ZHX3: variants seen among roughly 807,000 people sequenced by gnomAD.
ZHX3 encodes the protein zinc fingers and homeoboxes protein 3.
In ZHX3, 20 loss-of-function variants were observed where a neutral mutation model predicts 64.5. The observed-to-expected ratio is 0.31, with a 90% CI of 0.22 to 0.45. The LOEUF (loss-of-function observed/expected upper bound fraction) is 0.45. Ranked by LOEUF, ZHX3 falls within the 20% of genes least tolerant of loss-of-function variation. ZHX3 has a pLI of 1.00. For synonymous variants in ZHX3, 423 were observed against 461.6 expected (o/e 0.92, Z 1.07); for missense variants, 1,041 against 1,195.8 (o/e 0.87, Z 1.91).
chr20:41,274,222 G>A (rs543442600), intron 1 of ZHX3, among the ~76,000 whole-genome samples: 34 of 152,338 alleles, frequency 2.2e-4, no homozygotes, highest in Middle Eastern at 6.8e-3. Flanking sequence ...TCATTTTCCT[G>A]ATTTATAATT....
At chr20:41,235,663 T>G (rs2040929770) in intron 2 of ZHX3, among the ~76,000 whole-genome samples, 1 of 152,152 alleles carries the variant, frequency 6.6e-6, no homozygotes, top group Non-Finnish European at 1.5e-5. Context: ...ACAGCCAATA[T>G]CATACTGAAT....
rs565261686 is a variant in ZHX3 at position 41,295,716 on chromosome 20, T to C, written c.-245+21793A>G. 5.5e-4 allele frequency among the ~76,000 whole-genome samples: 83 copies of C among 152,146 alleles called. 2 individuals are homozygous for C. The South Asian group carries it at 0.012, about 22-fold the overall frequency. On this transcript the variant is annotated intron_variant, in intron 1 of 3. Coordinates refer to ENST00000683867, the MANE Select transcript of ZHX3 (RefSeq NM_001384317.1). ...ATACAAAAAAGTTAGCCAGGCGTGG[T>C]AGCGGGCACCTGTAGTCCCAGCTAC... is the stretch of plus-strand genomic sequence containing the variant.
intron 1 of ZHX3, among the ~76,000 whole-genome samples, chr20:41,308,986 A>C (rs187139707): frequency 5.8e-4 from 88 of 152,270 alleles, no homozygotes; most frequent in Non-Finnish European, 8.8e-4. Context: ...ACTAAACCCT[A>C]ATTCGACCTA....
At chr20:41,209,843 A>G (rs1434881259) in intron 2 of ZHX3, among the ~76,000 whole-genome samples, 2 of 152,218 alleles carry the variant, frequency 1.3e-5, no homozygotes, top group Non-Finnish European at 2.9e-5. Flanking sequence ...AAATTGACAA[A>G]TGGGATCTAA....
At chr20:41,283,931 AC>A (rs1217229241) in intron 1 of ZHX3, among the ~76,000 whole-genome samples, 4 of 151,950 alleles carry the variant, frequency 2.6e-5, no homozygotes, top group African/African-American at 9.7e-5. Context: ...AGAAGAGAAA[AC>A]CTTTTTACTC....
chr20:41,260,233 T>G (rs924071786), intron 2 of ZHX3, among the ~76,000 whole-genome samples: 5 of 151,772 alleles, frequency 3.3e-5, no homozygotes, highest in African/African-American at 1.2e-4. Flanking sequence ...TTAAATAGTT[T>G]TGAAGTTCTG....
At chr20:41,263,340 T>A (rs1364883452) in intron 2 of ZHX3, among the ~76,000 whole-genome samples, 1 of 150,226 alleles carries the variant, frequency 6.7e-6, no homozygotes, top group Non-Finnish European at 1.5e-5. Flanking sequence ...AAAATAAAAA[T>A]AAAAACTAAA....
intron 1 of ZHX3, among the ~76,000 whole-genome samples, chr20:41,271,090 G>A (rs1051325090): frequency 6.6e-6 from 1 of 152,134 alleles, no homozygotes; most frequent in Non-Finnish European, 1.5e-5. Flanking sequence ...GCACTATCTC[G>A]GCTCACTGCA....
intron 2 of ZHX3, among the ~76,000 whole-genome samples, chr20:41,248,481 A>G (rs1052838709): frequency 2.6e-5 from 4 of 152,234 alleles, no homozygotes; most frequent in African/African-American, 9.6e-5. Context: ...CAGAGGATAC[A>G]TGCTATACAA....
intron 1 of ZHX3, among the ~76,000 whole-genome samples, chr20:41,297,778 C>T (rs1600662731): frequency 1.3e-5 from 2 of 152,314 alleles, no homozygotes; most frequent in East Asian, 1.9e-4. Context: ...TTAATGACAA[C>T]GGCCATATTT....
At chr20:41,268,469 G>T (rs570950069) in intron 2 of ZHX3, among the ~76,000 whole-genome samples, 1 of 152,088 alleles carries the variant, frequency 6.6e-6, no homozygotes, top group Non-Finnish European at 1.5e-5. Context: ...AGTCTACTGT[G>T]AATATATGTC....
Position 41,195,765 on chromosome 20 carries a change from G to A in ZHX3, c.2860+6292C>T, listed in dbSNP as rs1216240709. ...TTACAGCTACAGATTTACCTCTTAG[G>A]ATTGCTTTCACTATGTGTCATAAGT... is the stretch of plus-strand genomic sequence containing the variant. On this transcript the variant is annotated intron_variant, in intron 3 of 3. Coordinates refer to ENST00000683867, the MANE Select transcript of ZHX3 (RefSeq NM_001384317.1). This position sits in a 1 kb window ranked among gnomAD's most constrained non-coding sequence, Gnocchi z 4.2. 6.6e-6 allele frequency among the ~76,000 whole-genome samples: 1 copy of A among 152,122 alleles called. No individual in the cohort carries two copies. The highest frequency in any genetic ancestry group is 2.4e-5 in the African/African-American group (1 of 41,424).
intron 1 of ZHX3, among the ~76,000 whole-genome samples, chr20:41,314,067 C>A (rs1207053304): frequency 2.6e-5 from 4 of 152,034 alleles, no homozygotes; most frequent in Non-Finnish European, 5.9e-5. Flanking sequence ...CTGTTTTTTT[C>A]CAAAAAGTCA....
chr20:41,272,499 CT>C (rs1206498249), intron 1 of ZHX3, among the ~76,000 whole-genome samples: 6 of 152,108 alleles, frequency 3.9e-5, no homozygotes, highest in Non-Finnish European at 8.8e-5. Flanking sequence ...CAAAATGAAC[CT>C]TGTACTCATT....
chr20:41,184,721 G>T lies in ZHX3; in HGVS notation c.*470C>A. The T allele has an allele frequency of 3.0e-6, 2 of 671,936 alleles. No homozygotes were observed. Among genetic ancestry groups the T allele is most frequent in the Non-Finnish European group, 4.9e-6 (2 of 409,768 alleles). 41.6% of individuals were successfully genotyped at this position (671,936 alleles called of 1,614,324 possible). On this transcript the variant is annotated 3_prime_UTR_variant, in exon 4 of 4. Transcript: ENST00000683867. ...CCTGCCTGACTGTGGAAGGTGAGGG[G>T]CACCTGTGACCCAGCAATCCCCAGA... is the stretch of plus-strand genomic sequence containing the variant.
intron 2 of ZHX3, among the ~76,000 whole-genome samples, chr20:41,227,384 A>T (rs2040335840): frequency 6.6e-6 from 1 of 152,230 alleles, no homozygotes; most frequent in African/African-American, 2.4e-5. Context: ...CCTGAAAATG[A>T]GAGTGGCTGT....
chr20:41,186,435 A>C (rs981947173), intron 3 of ZHX3, among the ~76,000 whole-genome samples: 1 of 152,212 alleles, frequency 6.6e-6, no homozygotes, highest in Non-Finnish European at 1.5e-5. Context: ...GGCTACTGTG[A>C]ATAATGCCAC....
chr20:41,203,300 C>T lies in ZHX3; in HGVS notation c.1617G>A (p.Arg539=). Residue 539 remains arginine, a synonymous_variant, in exon 3 of 4, where the codon CGG becomes CGA. Coordinates refer to ENST00000683867, the MANE Select transcript of ZHX3 (RefSeq NM_001384317.1). This position sits in a 1 kb window ranked among gnomAD's most constrained non-coding sequence, Gnocchi z 7.1. ...GGTATCTACGATCACTGAACCATTT[C>T]CGCACCTCTCTGGTACTGAGGCCCG... ...KVTGLSTREV[R]KWFSDRRYHC... is the part of the protein sequence containing the mutation. The T allele has an allele frequency of 6.2e-7, 1 of 1,614,202 alleles. No homozygotes were observed. Among genetic ancestry groups the T allele is most frequent in the Non-Finnish European group, 8.5e-7 (1 of 1,180,028 alleles).
intron 2 of ZHX3, among the ~76,000 whole-genome samples, chr20:41,235,919 A>G (rs1458915426): frequency 2.6e-5 from 4 of 152,382 alleles, no homozygotes; most frequent in East Asian, 3.8e-4. Flanking sequence ...CAACTTCAGC[A>G]AAGTCTCAGC....
Sources: gnomAD v4.1 joint callset for allele counts (sites outside exome capture counted in the v4.1 genomes callset) on GRCh38, gnomAD v4.1.1 for gene constraint, Gnocchi (gnomAD v3.1) non-coding constraint, MANE v1.5 for transcripts, NCBI Gene and HGNC (gene_info 2026-07-23, HGNC 2026-07-21) for gene names.